Variants in ICE2 observed in about 807,000 individuals in gnomAD.
ICE2 encodes little elongation complex subunit 2.
ICE2 carries 87 observed loss-of-function variants against 105.4 expected under a neutral mutation model. That is an observed-to-expected ratio of 0.83 (90% confidence interval 0.69 to 0.99). The LOEUF (loss-of-function observed/expected upper bound fraction) is 0.99. Ranked by LOEUF, ICE2 falls within the 50% of genes least tolerant of loss-of-function variation. The pLI is 0.00. For missense variants in ICE2, 1,323 were observed against 1,146.7 expected (o/e 1.15, Z -2.22); for synonymous variants, 399 against 392.0 (o/e 1.02, Z -0.21).
chr15:60,431,680 T>C (rs1428882793), intron 14 of ICE2, among the ~76,000 whole-genome samples: 1 of 152,190 alleles, frequency 6.6e-6, no homozygotes, highest in Non-Finnish European at 1.5e-5. Flanking sequence ...ACCAAGTTAG[T>C]GGCAATGTGT....
chr15:60,479,093 A>G lies in ICE2; in HGVS notation c.-183T>C. The stretch of plus-strand genomic sequence containing the variant: ...TCACATTGTCGCGCGCGCCCAAAAA[A>G]GACCATATTTAAAGGATGTGGCCGC... On this transcript the variant is annotated 5_prime_UTR_variant, in exon 1 of 16. Coordinates refer to ENST00000261520, the MANE Select transcript of ICE2 (RefSeq NM_024611.6). 1 of 445,398 alleles carries G rather than the reference A, an allele frequency of 2.2e-6. No homozygotes were observed. The highest frequency in any genetic ancestry group is 4.6e-6 in the Non-Finnish European group (1 of 219,012). The allele number at this position is 445,398 out of a possible 1,614,324, so 27.6% of individuals were successfully genotyped here. A position where few individuals can be genotyped will look rare whatever the true frequency, so the allele number is the denominator to read the frequency against.
At chr15:60,456,626 A>G (rs759601368) in intron 6 of ICE2, 31 bp downstream of exon 6, 12 of 1,452,760 alleles carry the variant, frequency 8.3e-6, no homozygotes, top group Non-Finnish European at 1.1e-5. Flanking sequence ...CAGACAAAAA[A>G]AAGCTTATAT....
At chr15:60,468,357 T>C (rs754698921) in intron 3 of ICE2, 35 bp from the exon 4 acceptor site, 9 of 1,517,774 alleles carry the variant, frequency 5.9e-6, no homozygotes, top group Non-Finnish European at 8.1e-6. Flanking sequence ...AATATGTGCT[T>C]TTCACATGAA....
At position 60,448,017 on chromosome 15, in the gene ICE2, T is replaced by G; in HGVS notation, c.2248A>C (p.Arg750=). The G allele has an allele frequency of 6.2e-7, 1 of 1,613,918 alleles. No individual in the cohort carries two copies. The highest frequency in any genetic ancestry group is 8.5e-7 in the Non-Finnish European group (1 of 1,179,890). ...LLLLVRCSVQ[R]IETRPRSKKR... is the part of the protein sequence containing the mutation. ...TTAGAACGTGGTCTTGTCTCTATCC[T>G]CTGGACACTGCAGCGTACGAGTAAC... is the stretch of plus-strand genomic sequence containing the variant. Residue 750 remains arginine, a synonymous_variant, in exon 11 of 16, where the codon AGG becomes CGG. Coordinates refer to ENST00000261520, the MANE Select transcript of ICE2 (RefSeq NM_024611.6).
At chr15:60,478,160 CCCTCA>C in intron 1 of ICE2, 91 bp from the exon 2 acceptor site, 1 of 615,034 alleles carries the variant, frequency 1.6e-6, no homozygotes, top group Non-Finnish European at 2.9e-6. Context: ...TAAACATCTA[CCCTCA>C]ACAGACTGTG....
chr15:60,444,839 C>T (rs112300331), intron 11 of ICE2, among the ~76,000 whole-genome samples: 4 of 152,156 alleles, frequency 2.6e-5, no homozygotes, highest in Admixed American at 6.5e-5. Flanking sequence ...TGCACCACCA[C>T]GCCTAGCTAA....
chr15:60,476,254 A>G, intron 2 of ICE2, 87 bp from the exon 3 acceptor site: 1 of 774,318 alleles, frequency 1.3e-6, no homozygotes, highest in South Asian at 1.6e-5. Flanking sequence ...GTAACTTACA[A>G]TTTCATACCT....
intron 5 of ICE2, among the ~76,000 whole-genome samples, chr15:60,459,889 T>TA (rs1313725238): frequency 5.3e-5 from 8 of 150,848 alleles, no homozygotes; most frequent in Non-Finnish European, 1.0e-4. Flanking sequence ...AAAAGGAGTT[T>TA]AAAAAAAAAC....
intron 15 of ICE2, among the ~76,000 whole-genome samples, chr15:60,426,402 C>T (rs142141060): frequency 8.9e-4 from 136 of 152,246 alleles, no homozygotes; most frequent in African/African-American, 3.1e-3. Flanking sequence ...CTATACCATA[C>T]GGCCTAAGTG....
intron 14 of ICE2, 144 bp from the exon 15 acceptor site, chr15:60,428,831 T>G: frequency 2.3e-6 from 2 of 862,696 alleles, no homozygotes; most frequent in Non-Finnish European, 3.4e-6. Context: ...AAATAAGATT[T>G]AAGAAATCTT....
intron 3 of ICE2, among the ~76,000 whole-genome samples, chr15:60,475,217 C>A (rs968015869): frequency 1.3e-5 from 2 of 152,072 alleles, no homozygotes; most frequent in African/African-American, 4.8e-5. Context: ...GATTCATCAA[C>A]AACAGAGTAG....
chr15:60,434,278 C>T (rs1228292237), intron 13 of ICE2, among the ~76,000 whole-genome samples: 3 of 152,082 alleles, frequency 2.0e-5, no homozygotes, highest in African/African-American at 7.2e-5. Context: ...TATAATGATG[C>T]TTGGTAGAAG....
chr15:60,433,002 A>C (rs1308622472), intron 13 of ICE2, among the ~76,000 whole-genome samples: 1 of 152,196 alleles, frequency 6.6e-6, no homozygotes, highest in African/African-American at 2.4e-5. Context: ...ATGAGCTTCC[A>C]AAAAAATTGA....
chr15:60,475,245 G>C (rs910956276), intron 3 of ICE2, among the ~76,000 whole-genome samples: 1 of 152,064 alleles, frequency 6.6e-6, no homozygotes, highest in African/African-American at 2.4e-5. Flanking sequence ...CGATCAAAAA[G>C]CAAAGAAGAG....
chr15:60,449,460 T>A lies in ICE2; in HGVS notation c.1507A>T (p.Ile503Leu), dbSNP rs746550105. The change falls in exon 10 of 16, where the codon ATA (isoleucine) becomes TTA (leucine). Residue 503 changes from isoleucine to leucine, a missense_variant. Ile to Leu is a conservative substitution (Grantham distance 5). Coordinates refer to ENST00000261520, the MANE Select transcript of ICE2 (RefSeq NM_024611.6). ...GATGTTTTCAAGTCACTATCTTGTA[T>A]CAAAGGCTTGTCAGAATTTGATACC... Reference protein sequence around the residue: ...EKVSNSDKPLIQDSDLKTSDA... With the variant: ...EKVSNSDKPLLQDSDLKTSDA... 6.2e-7 allele frequency: 1 copy of A among 1,614,180 alleles called. No homozygotes were observed. The highest frequency in any genetic ancestry group is 8.5e-7 in the Non-Finnish European group (1 of 1,180,026).
Position 60,478,141 on chromosome 15 carries a change from A to C in ICE2, c.-92-72T>G, listed in dbSNP as rs543434960. 4 of 651,690 alleles carry C rather than the reference A, an allele frequency of 6.1e-6. No individual in the cohort carries two copies. The East Asian group carries it at 8.0e-5, about 13-fold the overall frequency. The allele number at this position is 651,690 out of a possible 1,614,324, so 40.4% of individuals were successfully genotyped here. A position where few individuals can be genotyped will look rare whatever the true frequency, so the allele number is the denominator to read the frequency against. On this transcript the variant is annotated intron_variant, in intron 1 of 15. Transcript: ENST00000261520. The stretch of plus-strand genomic sequence containing the variant: ...GCCAGGTGCTATTAGGTGAGGAAGA[A>C]TCTCTCCCTAAACATCTACCCTCAA...
At position 60,445,876 on chromosome 15, in the gene ICE2, A is replaced by G. The variant is rs1045603838; in HGVS notation, c.2295+2094T>C. On this transcript the variant is annotated intron_variant, in intron 11 of 15. Transcript: ENST00000261520. ...TAGCCTCAAAATAAATCAGAGAGAT[A>G]GCAAGAATCAAAGAAATAAAACCTT... 5 of 602,026 alleles carry G rather than the reference A, an allele frequency of 8.3e-6. No individual in the cohort carries two copies. The African/African-American group carries it at 1.0e-4, about 12-fold the overall frequency. 37.3% of individuals were successfully genotyped at this position (602,026 alleles called of 1,614,324 possible).
chr15:60,466,520 AATC>A, intron 5 of ICE2, 71 bp downstream of exon 5: 1 of 1,543,404 alleles, frequency 6.5e-7, no homozygotes, highest in South Asian at 1.2e-5. Flanking sequence ...CTTTTGGTGG[AATC>A]ATCACATATT....
At chr15:60,471,295 T>C (rs1016991943) in intron 3 of ICE2, among the ~76,000 whole-genome samples, 13 of 152,200 alleles carry the variant, frequency 8.5e-5, no homozygotes, top group African/African-American at 2.9e-4. Context: ...AAAATAAGCA[T>C]ATTTTAGGTA....
Sources: gnomAD v4.1 joint callset for allele counts (sites outside exome capture counted in the v4.1 genomes callset) on GRCh38, gnomAD v4.1.1 for gene constraint, MANE v1.5 for transcripts, NCBI Gene and HGNC (gene_info 2026-07-23, HGNC 2026-07-21) for gene names.